Variants in RYR3 observed in about 807,000 individuals in gnomAD.
RYR3 encodes the protein brain ryanodine receptor-calcium release channel.
A neutral mutation model predicts 584.3 loss-of-function variants in RYR3; 207 were observed. The observed-to-expected ratio is 0.35, with a 90% CI of 0.32 to 0.40. RYR3 has a LOEUF of 0.40. RYR3 is among the 10% of genes least tolerant of loss of function. The pLI is 1.00. For missense variants in RYR3, 5,616 were observed against 6,089.2 expected (o/e 0.92, Z 2.59); for synonymous variants, 2,416 against 2,248.5 (o/e 1.07, Z -2.11).
rs549458058 is a variant in RYR3 at position 33,594,643 on chromosome 15, A to C, written c.1789-6776A>C. The stretch of plus-strand genomic sequence containing the variant: ...TTTTTTCCTTTATTCCAATGTCACA[A>C]TTTCCAAAGTTATCAGAAAACCTGC... On this transcript the variant is annotated intron_variant, in intron 16 of 103. Transcript: ENST00000634891. 2.0e-5 allele frequency among the ~76,000 whole-genome samples: 3 copies of C among 152,274 alleles called. No individual in the cohort carries two copies. In the South Asian group the frequency reaches 6.2e-4, roughly 32 times the overall value.
In RYR3 at chr15:33,450,087, T is replaced by TAAAAAAAAAAAAAAAA. The variant is rs10647466; in HGVS notation, c.52-23323_52-23308dup. Among the ~76,000 whole-genome samples, 10 of 67,322 alleles carry TAAAAAAAAAAAAAAAA rather than the reference T, an allele frequency of 1.5e-4. 1 individual carries two copies. The highest frequency in any genetic ancestry group is 2.2e-4 in the African/African-American group (4 of 18,206). 44.2% of individuals were successfully genotyped at this position (67,322 alleles called of 152,430 possible). A position where few individuals can be genotyped will look rare whatever the true frequency, so the allele number is the denominator to read the frequency against. On this transcript the variant is annotated intron_variant, in intron 1 of 103. Coordinates refer to ENST00000634891, the MANE Select transcript of RYR3 (RefSeq NM_001036.6). ...TTACTGCGGCTAGAGCATTAATACCTAAAAAAAAAAAAAAAAAAAAAAAAG... is the reference window on the plus strand; with the variant it reads ...TTACTGCGGCTAGAGCATTAATACCTAAAAAAAAAAAAAAAAAAAAAAAAAAAAAAAAAAAAAAAAG...
intron 1 of RYR3, among the ~76,000 whole-genome samples, chr15:33,433,417 A>T (rs12439831): frequency 0.14 from 20,862 of 152,114 alleles, 1,684 homozygotes; most frequent in East Asian, 0.34. Flanking sequence ...ATTTTATATA[A>T]TAAGTACATA....
In RYR3 at chr15:33,390,732, G is replaced by C. The variant is rs2041942462; in HGVS notation, c.51+79636G>C. 6.6e-6 allele frequency among the ~76,000 whole-genome samples: 1 copy of C among 152,126 alleles called. No individual in the cohort carries two copies. Among genetic ancestry groups the C allele is most frequent in the Non-Finnish European group, 1.5e-5 (1 of 68,030 alleles). Reference sequence around the variant, plus strand: ...ACAATGTGATTTATGCCGAACACCTGCTTAGTTCTGGGAATCTAGAAGAGC... The same window carrying C: ...ACAATGTGATTTATGCCGAACACCTCCTTAGTTCTGGGAATCTAGAAGAGC... On this transcript the variant is annotated intron_variant, in intron 1 of 103. Transcript: ENST00000634891. The surrounding 1 kb of genome is among the most constrained non-coding windows in gnomAD (Gnocchi z 4.2).
intron 27 of RYR3, 127 bp from the exon 28 acceptor site, chr15:33,644,184 A>T (rs2061977087): frequency 1.5e-6 from 1 of 687,510 alleles, no homozygotes; most frequent in African/African-American, 1.8e-5. Flanking sequence ...AAAGAAAGAA[A>T]GAACGGGTTG....
At position 33,696,421 on chromosome 15, in the gene RYR3, G is replaced by C. The variant is rs374589971; in HGVS notation, c.6064G>C (p.Gly2022Arg). Residue 2022 changes from glycine to arginine, a missense_variant, in exon 39 of 104, where the codon GGC (glycine) becomes CGC (arginine). This residue lies in a region of RYR3 where 1,280 missense variants were observed against 1,426.2 expected (regional missense o/e 0.90). Transcript: ENST00000634891. ...SDTINLLAAL[G>R]QIRSLLSVRM... is the part of the protein sequence containing the mutation. ...CACCATCAACCTGCTGGCTGCCCTGGGCCAAATCCGCTCCCTCCTCAGTGT... is the reference window on the plus strand; with the variant it reads ...CACCATCAACCTGCTGGCTGCCCTGCGCCAAATCCGCTCCCTCCTCAGTGT... 1 of 1,613,898 alleles carries C rather than the reference G, an allele frequency of 6.2e-7. No homozygotes were observed. Among genetic ancestry groups the C allele is most frequent in the Non-Finnish European group, 8.5e-7 (1 of 1,179,872 alleles).
intron 1 of RYR3, among the ~76,000 whole-genome samples, chr15:33,365,315 C>G (rs1035474906): frequency 1.3e-5 from 2 of 152,004 alleles, no homozygotes; most frequent in Admixed American, 1.3e-4. Flanking sequence ...TCCATGGGAC[C>G]AAAAGTCAGT....
chr15:33,541,716 C>T lies in RYR3; in HGVS notation c.646+826C>T, dbSNP rs531423624. ...GAAAAAAGAAGGAAAACAGAGTTGT[C>T]AAGGTGATACCCCAGTTTCAGAATG... is the stretch of plus-strand genomic sequence containing the variant. On this transcript the variant is annotated intron_variant, in intron 7 of 103. Transcript: ENST00000634891. Among the ~76,000 whole-genome samples, 701 of 152,262 alleles carry T rather than the reference C, an allele frequency of 4.6e-3. 4 individuals carry two copies. The highest frequency in any genetic ancestry group is 0.014 in the Middle Eastern group (4 of 292).
intron 75 of RYR3, among the ~76,000 whole-genome samples, chr15:33,818,189 C>T (rs2076919514): frequency 6.6e-6 from 1 of 152,138 alleles, no homozygotes; most frequent in Admixed American, 6.5e-5. Context: ...AGCTGTTGGC[C>T]TGAGAGAGCA....
intron 42 of RYR3, 81 bp downstream of exon 42, chr15:33,701,161 G>A (rs777729199): frequency 8.4e-6 from 7 of 837,374 alleles, no homozygotes; most frequent in Non-Finnish European, 1.2e-5. Context: ...GACCACGGAT[G>A]GAGTCTCTGT....
intron 85 of RYR3, among the ~76,000 whole-genome samples, chr15:33,828,718 C>T (rs1256422162): frequency 6.6e-6 from 1 of 152,150 alleles, no homozygotes; most frequent in Non-Finnish European, 1.5e-5. Flanking sequence ...GAGTTTGGTT[C>T]ATGAGGTTTA....
At chr15:33,564,028 A>G (rs2057560428) in intron 11 of RYR3, among the ~76,000 whole-genome samples, 1 of 152,178 alleles carries the variant, frequency 6.6e-6, no homozygotes, top group Admixed American at 6.5e-5. Context: ...TAAGCACAAA[A>G]TATTGCACAT....
At chr15:33,491,770 G>A (rs192320292) in intron 2 of RYR3, among the ~76,000 whole-genome samples, 4 of 152,200 alleles carry the variant, frequency 2.6e-5, no homozygotes, top group Admixed American at 6.5e-5. Context: ...AGCATTAGAC[G>A]TGGTATTTCC....
intron 2 of RYR3, among the ~76,000 whole-genome samples, chr15:33,499,455 C>T (rs144122857): frequency 5.9e-5 from 9 of 152,274 alleles, no homozygotes; most frequent in African/African-American, 2.2e-4. Flanking sequence ...GCTTCACTGA[C>T]ATTCCACTAA....
At chr15:33,599,624 G>T (rs1355313551) in intron 16 of RYR3, among the ~76,000 whole-genome samples, 1 of 152,206 alleles carries the variant, frequency 6.6e-6, no homozygotes, top group African/African-American at 2.4e-5. Flanking sequence ...AGTGAGCAGA[G>T]GAGTGACTGA....
At chr15:33,324,088 TGG>T (rs1391393578) in intron 1 of RYR3, among the ~76,000 whole-genome samples, 1 of 152,132 alleles carries the variant, frequency 6.6e-6, no homozygotes, top group Non-Finnish European at 1.5e-5. Flanking sequence ...ACATGGTACA[TGG>T]AATTCCTGAC....
At chr15:33,688,043 A>G (rs1222089375) in intron 38 of RYR3, among the ~76,000 whole-genome samples, 1 of 152,222 alleles carries the variant, frequency 6.6e-6, no homozygotes, top group Non-Finnish European at 1.5e-5. Flanking sequence ...CAATAGCAAC[A>G]AAAGCCAAAA....
chr15:33,856,108 A>G (rs2079630535), intron 98 of RYR3: 2 of 152,228 alleles, frequency 1.3e-5, no homozygotes, highest in Non-Finnish European at 2.9e-5. Flanking sequence ...CAGAGCAGCT[A>G]AATGTCTCAC....
At chr15:33,532,518 A>G (rs1476251693) in intron 4 of RYR3, among the ~76,000 whole-genome samples, 1 of 152,132 alleles carries the variant, frequency 6.6e-6, no homozygotes, top group East Asian at 1.9e-4. Context: ...TTAACTTATA[A>G]TTGTACTATT....
intron 1 of RYR3, among the ~76,000 whole-genome samples, chr15:33,346,792 C>A (rs546802164): frequency 1.3e-5 from 2 of 152,122 alleles, no homozygotes; most frequent in South Asian, 2.1e-4. Context: ...CCTAAAAGCA[C>A]GTTAGAATCC....
Sources: allele counts gnomAD v4.1 joint callset (sites outside exome capture counted in the v4.1 genomes callset), GRCh38; gene constraint gnomAD v4.1.1; regional missense constraint gnomAD v4.1.1; non-coding constraint Gnocchi (gnomAD v3.1); transcripts MANE v1.5; gene names NCBI Gene and HGNC (gene_info 2026-07-23, HGNC 2026-07-21).